The following PFDN1 variants were observed in gnomAD, a reference collection of about 807,000 sequenced individuals.
The protein encoded by PFDN1 is prefoldin 1.
In PFDN1, 6 loss-of-function variants were observed where a neutral mutation model predicts 17.3. The observed-to-expected ratio is 0.35, with a 90% confidence interval of 0.19 to 0.69. The LOEUF is 0.69. Ranked by LOEUF, PFDN1 falls within the 30% of genes least tolerant of loss-of-function variation. The probability of loss-of-function intolerance (pLI) is 0.65; values close to 1 mark genes in which losing one functional copy is unlikely to be tolerated. For missense variants in PFDN1, 113 were observed against 146.2 expected (o/e 0.77, Z 1.17); for synonymous variants, 58 against 50.1 (o/e 1.16, Z -0.67).
At chr5:140,267,750 C>T (rs992681306) in intron 3 of PFDN1, among the ~76,000 whole-genome samples, 1 of 115,816 alleles carries the variant, frequency 8.6e-6, no homozygotes, top group African/African-American at 3.1e-5. Flanking sequence ...CAAATACTAC[C>T]AGCAAAAAAA....
rs535366400 is a variant in PFDN1, at chr5:140,285,261, T to C, written c.201-3728A>G. 7.0e-4 allele frequency among the ~76,000 whole-genome samples: 105 copies of C among 150,566 alleles called. 4 individuals are homozygous for C. The South Asian group carries it at 0.019, about 27-fold the overall frequency. On this transcript the variant is annotated intron_variant, in intron 2 of 3. Coordinates refer to ENST00000261813, the MANE Select transcript of PFDN1 (RefSeq NM_002622.5). Reference sequence around the variant, plus strand: ...AAGAATGAGCCTATCTTCAGGAGAATGGCGTGAACCCGGGAGGTGGAGTTT... The same window carrying C: ...AAGAATGAGCCTATCTTCAGGAGAACGGCGTGAACCCGGGAGGTGGAGTTT...
At chr5:140,246,208 G>A (rs190408408) in intron 3 of PFDN1, 151 bp from the exon 4 acceptor site, 4 of 643,716 alleles carry the variant, frequency 6.2e-6, no homozygotes, top group African/African-American at 1.8e-5. Flanking sequence ...CCTGCCCACA[G>A]TGCTCCCCTC....
intron 2 of PFDN1, among the ~76,000 whole-genome samples, chr5:140,292,444 T>C (rs1442134622): frequency 6.6e-6 from 1 of 152,196 alleles, no homozygotes; most frequent in Non-Finnish European, 1.5e-5. Context: ...CTTTTTACTC[T>C]GAGCCAGTGT....
chr5:140,252,258 T>C (rs1025878105), intron 3 of PFDN1, among the ~76,000 whole-genome samples: 30 of 152,288 alleles, frequency 2.0e-4, no homozygotes, highest in African/African-American at 6.5e-4. Context: ...TATACGGATA[T>C]GTACTTTTAT....
intron 3 of PFDN1, among the ~76,000 whole-genome samples, chr5:140,250,341 T>A (rs1764895126): frequency 6.6e-6 from 1 of 152,198 alleles, no homozygotes; most frequent in South Asian, 2.1e-4. Context: ...CTGCCTGGCC[T>A]TTGCCCTTCG....
chr5:140,258,440 T>TAA (rs562501324), intron 3 of PFDN1, among the ~76,000 whole-genome samples: 15 of 120,940 alleles, frequency 1.2e-4, no homozygotes, highest in East Asian at 2.4e-4. Flanking sequence ...GCTGTACTGT[T>TAA]AAAAAAAAAA....
intron 2 of PFDN1, among the ~76,000 whole-genome samples, chr5:140,292,640 G>C (rs898670549): frequency 6.6e-6 from 1 of 152,088 alleles, no homozygotes; most frequent in Non-Finnish European, 1.5e-5. Context: ...ACAAGAGTTG[G>C]TAATAAGAGT....
intron 3 of PFDN1, among the ~76,000 whole-genome samples, chr5:140,268,369 G>A (rs986218126): frequency 4.6e-5 from 7 of 151,996 alleles, no homozygotes; most frequent in Non-Finnish European, 7.4e-5. Context: ...GTTCATAAAC[G>A]GGATGGGCAC....
intron 3 of PFDN1, among the ~76,000 whole-genome samples, chr5:140,262,998 C>T (rs1201123004): frequency 6.6e-6 from 1 of 152,120 alleles, no homozygotes; most frequent in African/African-American, 2.4e-5. Flanking sequence ...AATAAAATCC[C>T]GCATTAAGTA....
chr5:140,285,618 C>A (rs1471154840), intron 2 of PFDN1, among the ~76,000 whole-genome samples: 1 of 151,812 alleles, frequency 6.6e-6, no homozygotes, highest in Admixed American at 6.6e-5. Flanking sequence ...AGAGTAGATA[C>A]CCTGAACACT....
chr5:140,268,406 C>T (rs1651435629), intron 3 of PFDN1, among the ~76,000 whole-genome samples: 1 of 152,144 alleles, frequency 6.6e-6, no homozygotes, highest in African/African-American at 2.4e-5. Flanking sequence ...AATCCCAGCA[C>T]TTTGGGAGGC....
Position 140,245,877 on chromosome 5 carries a change from T to A in PFDN1, c.*97A>T, listed in dbSNP as rs920293094. The stretch of plus-strand genomic sequence containing the variant: ...GTTGCCAGGCCATCCAAATAAAGCA[T>A]CCATCGGGGCAGAGGAGAAGCTGTT... On this transcript the variant is annotated 3_prime_UTR_variant, in exon 4 of 4. Transcript: ENST00000261813. 7 of 715,838 alleles carry A rather than the reference T, an allele frequency of 9.8e-6. No individual in the cohort carries two copies. The Admixed American group carries it at 1.5e-4, about 16-fold the overall frequency. 44.3% of individuals were successfully genotyped at this position (715,838 alleles called of 1,614,324 possible).
At chr5:140,275,993 A>T (rs1392176183) in intron 3 of PFDN1, among the ~76,000 whole-genome samples, 1 of 152,058 alleles carries the variant, frequency 6.6e-6, no homozygotes, top group African/African-American at 2.4e-5. Flanking sequence ...CCAACTTAAT[A>T]CAGGGTATCT....
At chr5:140,285,313 A>G (rs1765469900) in intron 2 of PFDN1, among the ~76,000 whole-genome samples, 1 of 149,532 alleles carries the variant, frequency 6.7e-6, no homozygotes, top group Non-Finnish European at 1.5e-5. Context: ...GCGCCACTGC[A>G]CTCCAGCCTG....
At chr5:140,301,349 AT>A (rs1334573009) in intron 1 of PFDN1, among the ~76,000 whole-genome samples, 1 of 152,222 alleles carries the variant, frequency 6.6e-6, no homozygotes, top group Non-Finnish European at 1.5e-5. Flanking sequence ...ACCAGGCCAA[AT>A]TTGACCCTTG....
rs753205604 is a variant in PFDN1, at chr5:140,300,520, T to A, written c.96A>T (p.Ile32=). ...DTQQKVKLAD[I]QIEQLNRTKK... ...TCGTTCTGTTTAGCTGTTCAATCTG[T>A]ATGTCTGCGAGCTTCACCTTCTGTT... The change falls in exon 2 of 4, where the codon ATA becomes ATT. Residue 32 remains isoleucine, a synonymous_variant. Transcript: ENST00000261813. 1 of 1,613,198 alleles carries A rather than the reference T, an allele frequency of 6.2e-7. No individual in the cohort carries two copies. The highest frequency in any genetic ancestry group is 8.5e-7 in the Non-Finnish European group (1 of 1,179,374).
intron 3 of PFDN1, among the ~76,000 whole-genome samples, chr5:140,258,510 A>T: frequency 6.6e-6 from 1 of 151,834 alleles, no homozygotes; most frequent in East Asian, 1.9e-4. Context: ...TTGGAAACCT[A>T]TTAGGAGGCC....
intron 2 of PFDN1, among the ~76,000 whole-genome samples, chr5:140,285,418 A>G (rs538793088): frequency 2.2e-4 from 33 of 151,962 alleles, no homozygotes; most frequent in Non-Finnish European, 3.5e-4. Flanking sequence ...AAGTTACTGA[A>G]TTTTTACGTC....
intron 2 of PFDN1, among the ~76,000 whole-genome samples, chr5:140,295,307 A>G (rs926348978): frequency 3.3e-5 from 5 of 152,156 alleles, no homozygotes; most frequent in Non-Finnish European, 4.4e-5. Context: ...ATCCTCTACT[A>G]TGCAAAGTAG....
Sources: gnomAD v4.1 joint callset for allele counts (sites outside exome capture counted in the v4.1 genomes callset) on GRCh38, gnomAD v4.1.1 for gene constraint, MANE v1.5 for transcripts, NCBI Gene and HGNC (gene_info 2026-07-23, HGNC 2026-07-21) for gene names.